Variants in PLEKHA5 observed in about 807,000 individuals in gnomAD.
PLEKHA5 encodes pleckstrin homology domain containing A5.
Under a neutral mutation model 181.9 loss-of-function variants are expected in PLEKHA5, and 55 were observed. The ratio of observed to expected loss-of-function variants is 0.30; its 90% CI spans 0.24 to 0.38. PLEKHA5 has a LOEUF of 0.38. Ranked by LOEUF, PLEKHA5 falls within the 10% of genes least tolerant of loss-of-function variation. PLEKHA5 has a pLI of 1.00. For synonymous variants in PLEKHA5, 535 were observed against 529.4 expected (o/e 1.01, Z -0.15); for missense variants, 1,432 against 1,549.5 (o/e 0.92, Z 1.27).
intron 3 of PLEKHA5, among the ~76,000 whole-genome samples, chr12:19,249,168 G>C (rs542619894): frequency 6.6e-6 from 1 of 152,148 alleles, no homozygotes; most frequent in East Asian, 1.9e-4. Flanking sequence ...CCCCATCTCT[G>C]TTTTTTAAAA....
intron 15 of PLEKHA5, chr12:19,307,336 G>A (rs1260123746): frequency 1.2e-5 from 4 of 320,060 alleles, no homozygotes; most frequent in Non-Finnish European, 2.3e-5. Flanking sequence ...GCCGGGCATG[G>A]TGGCGCATGC....
chr12:19,168,869 A>G (rs1003046307), intron 3 of PLEKHA5, among the ~76,000 whole-genome samples: 23 of 152,176 alleles, frequency 1.5e-4, no homozygotes, highest in Non-Finnish European at 8.8e-5. Context: ...AGAGCTGGGC[A>G]TTGGAATCAG....
intron 3 of PLEKHA5, among the ~76,000 whole-genome samples, chr12:19,248,165 G>A (rs75146136): frequency 6.6e-6 from 1 of 152,150 alleles, no homozygotes; most frequent in Non-Finnish European, 1.5e-5. Flanking sequence ...TGAGGCTGCA[G>A]AGAGTTGTGT....
At chr12:19,197,290 GTC>G (rs1280189265) in intron 3 of PLEKHA5, among the ~76,000 whole-genome samples, 1 of 152,080 alleles carries the variant, frequency 6.6e-6, no homozygotes, top group African/African-American at 2.4e-5. Flanking sequence ...ATTCAGACCA[GTC>G]TCTCATACTG....
intron 13 of PLEKHA5, chr12:19,288,013 G>A (rs1259349911): frequency 7.3e-5 from 17 of 234,044 alleles, no homozygotes; most frequent in Admixed American, 5.8e-4. Flanking sequence ...AGGAGGTGGA[G>A]TTTGCAGTGA....
Position 19,201,040 on chromosome 12 carries a change from A to T in PLEKHA5, c.228-52900A>T, listed in dbSNP as rs191852299. The T allele has an allele frequency of 5.3e-5, 8 of 152,258 alleles. No homozygotes were observed. In the East Asian group the frequency reaches 1.5e-3, roughly 29 times the overall value. 9.4% of individuals were successfully genotyped at this position (152,258 alleles called of 1,614,324 possible). On this transcript the variant is annotated intron_variant, in intron 3 of 31. Coordinates refer to ENST00000429027, the MANE Select transcript of PLEKHA5 (RefSeq NM_001256470.2). ...AGAAATTTTGCTTTATCTGTGTAGG[A>T]TACTGAAGAGAATGAAAAGACAAGT... is the stretch of plus-strand genomic sequence containing the variant.
intron 3 of PLEKHA5, among the ~76,000 whole-genome samples, chr12:19,142,550 G>A (rs2037693309): frequency 6.6e-6 from 1 of 152,014 alleles, no homozygotes; most frequent in Non-Finnish European, 1.5e-5. Flanking sequence ...TATTTATTTT[G>A]AAAAATCAAT....
intron 3 of PLEKHA5, among the ~76,000 whole-genome samples, chr12:19,193,699 C>T (rs2051840428): frequency 6.6e-6 from 1 of 152,090 alleles, no homozygotes; most frequent in Non-Finnish European, 1.5e-5. Flanking sequence ...CCCTCTGAGT[C>T]CCTGTATTAG....
intron 3 of PLEKHA5, among the ~76,000 whole-genome samples, chr12:19,147,622 T>G (rs1271543940): frequency 6.7e-6 from 1 of 149,424 alleles, no homozygotes; most frequent in Non-Finnish European, 1.5e-5. Context: ...GGCAAATGAA[T>G]GAATTTAACT....
At chr12:19,327,702 T>G (rs1184389669) in intron 20 of PLEKHA5, among the ~76,000 whole-genome samples, 4 of 150,764 alleles carry the variant, frequency 2.7e-5, no homozygotes, top group Non-Finnish European at 3.0e-5. Flanking sequence ...TAGAGTGCAG[T>G]GGCGCGATCT....
intron 3 of PLEKHA5, among the ~76,000 whole-genome samples, chr12:19,217,674 C>A (rs1310997308): frequency 6.6e-6 from 1 of 152,038 alleles, no homozygotes; most frequent in Non-Finnish European, 1.5e-5. Flanking sequence ...GATTTCCAGT[C>A]GTCAAAAGCT....
intron 3 of PLEKHA5, among the ~76,000 whole-genome samples, chr12:19,179,068 C>T (rs951599651): frequency 6.6e-6 from 1 of 152,188 alleles, no homozygotes; most frequent in African/African-American, 2.4e-5. Flanking sequence ...CTGAGTCATA[C>T]ATGATTACAT....
At chr12:19,341,104 C>T (rs187432662) in intron 21 of PLEKHA5, among the ~76,000 whole-genome samples, 64 of 152,096 alleles carry the variant, frequency 4.2e-4, no homozygotes, top group African/African-American at 1.2e-3. Flanking sequence ...GAAACCTCAT[C>T]TCTACTAAAA....
chr12:19,277,640 T>C (rs773001192), intron 11 of PLEKHA5, among the ~76,000 whole-genome samples: 1 of 152,190 alleles, frequency 6.6e-6, no homozygotes, highest in African/African-American at 2.4e-5. Context: ...CATTATGATA[T>C]AAACTTCATC....
chr12:19,200,638 C>T, intron 3 of PLEKHA5: 1 of 1,096,728 alleles, frequency 9.1e-7, no homozygotes, highest in Non-Finnish European at 1.1e-6. Flanking sequence ...CCTCTTCAAT[C>T]CAAATCTGTC....
intron 20 of PLEKHA5, among the ~76,000 whole-genome samples, chr12:19,332,580 C>G (rs1453643817): frequency 6.6e-6 from 1 of 152,180 alleles, no homozygotes; most frequent in African/African-American, 2.4e-5. Context: ...GCCTCCAACT[C>G]TTAGCCTCAA....
At chr12:19,313,231 TG>T (rs2087231574) in intron 15 of PLEKHA5, among the ~76,000 whole-genome samples, 1 of 152,024 alleles carries the variant, frequency 6.6e-6, no homozygotes, top group South Asian at 2.1e-4. Context: ...AAAAATTAGC[TG>T]GGCATGGTGG....
At chr12:19,306,635 G>T in intron 15 of PLEKHA5, 1 of 1,149,380 alleles carries the variant, frequency 8.7e-7, no homozygotes. Context: ...TGGAGGCGGC[G>T]GCATCGAGGT....
At chr12:19,137,543 T>A (rs2036015649) in intron 3 of PLEKHA5, among the ~76,000 whole-genome samples, 1 of 152,080 alleles carries the variant, frequency 6.6e-6, no homozygotes, top group Non-Finnish European at 1.5e-5. Flanking sequence ...TTTCAAGGAG[T>A]TTGTAGTGTA....
Sources: allele counts gnomAD v4.1 joint callset (sites outside exome capture counted in the v4.1 genomes callset), GRCh38; gene constraint gnomAD v4.1.1; transcripts MANE v1.5; gene names NCBI Gene and HGNC (gene_info 2026-07-23, HGNC 2026-07-21).